STK33: variants seen among roughly 807,000 people sequenced by gnomAD.
STK33 encodes serine/threonine-protein kinase 33.
A neutral mutation model predicts 58.0 loss-of-function variants in STK33; 52 were observed. The ratio of observed to expected loss-of-function variants is 0.90; its 90% CI spans 0.72 to 1.13. The LOEUF (loss-of-function observed/expected upper bound fraction) is 1.13, where lower values mean the gene tolerates loss of function less well. STK33 is among the 50% of genes most tolerant of loss of function. The pLI, the probability that STK33 is intolerant of heterozygous loss-of-function variation, is 0.00. For synonymous variants in STK33, 215 were observed against 200.1 expected (o/e 1.07, Z -0.63); for missense variants, 630 against 604.2 (o/e 1.04, Z -0.45).
intron 1 of STK33, among the ~76,000 whole-genome samples, chr11:8,484,920 G>T (rs893505413): frequency 4.6e-5 from 7 of 152,122 alleles, no homozygotes; most frequent in Non-Finnish European, 8.8e-5. Flanking sequence ...TCACTGACAG[G>T]TTCAAGATTT....
the STK33 span, among the ~76,000 whole-genome samples, chr11:8,358,914 A>C: frequency 6.6e-6 from 1 of 152,342 alleles, no homozygotes; most frequent in South Asian, 2.1e-4. Flanking sequence ...CACCTTCCTC[A>C]CGTGATCAAA....
At chr11:8,455,316 T>A (rs552241763) in intron 9 of STK33, among the ~76,000 whole-genome samples, 1 of 152,196 alleles carries the variant, frequency 6.6e-6, no homozygotes, top group African/African-American at 2.4e-5. Context: ...TTCTACAACA[T>A]CAACACACAT....
At chr11:8,485,236 G>C (rs1286910970) in intron 1 of STK33, among the ~76,000 whole-genome samples, 1 of 152,084 alleles carries the variant, frequency 6.6e-6, no homozygotes, top group Non-Finnish European at 1.5e-5. Context: ...CCATGCAGAA[G>C]AATATAAAGT....
At chr11:8,348,527 C>T in the STK33 span, among the ~76,000 whole-genome samples, 2 of 152,134 alleles carry the variant, frequency 1.3e-5, no homozygotes, top group Non-Finnish European at 2.9e-5. Flanking sequence ...CCATCAGATA[C>T]CTCCCATGAT....
chr11:8,517,978 G>A (rs1272317357), intron 1 of STK33, among the ~76,000 whole-genome samples: 3 of 152,036 alleles, frequency 2.0e-5, no homozygotes, highest in African/African-American at 7.2e-5. Flanking sequence ...TCAAATTCAG[G>A]AAATACAGAG....
chr11:8,578,132 G>A (rs1210327355), intron 1 of STK33, among the ~76,000 whole-genome samples: 1 of 152,054 alleles, frequency 6.6e-6, no homozygotes, highest in East Asian at 1.9e-4. Flanking sequence ...TACAGTGCCT[G>A]ATATGGAGCT....
At chr11:8,354,165 C>T in the STK33 span, among the ~76,000 whole-genome samples, 164 of 152,170 alleles carry the variant, frequency 1.1e-3, no homozygotes, top group Admixed American at 2.7e-3. Context: ...CGTGTCTCCT[C>T]CTCTCCTCCT....
chr11:8,462,787 G>A (rs1032974727), intron 7 of STK33, among the ~76,000 whole-genome samples: 6 of 152,124 alleles, frequency 3.9e-5, no homozygotes, highest in African/African-American at 1.4e-4. Flanking sequence ...CTCTATCTCA[G>A]AAATTCTAGA....
At chr11:8,454,679 T>C in intron 10 of STK33, 65 bp downstream of exon 10, 2 of 1,490,192 alleles carry the variant, frequency 1.3e-6, no homozygotes, top group South Asian at 1.3e-5. Context: ...AAAAAGAGGA[T>C]GTACTTTGCC....
chr11:8,593,489 C>A (rs963536417), intron 1 of STK33, among the ~76,000 whole-genome samples: 1 of 152,174 alleles, frequency 6.6e-6, no homozygotes, highest in African/African-American at 2.4e-5. Flanking sequence ...CTGAAACCCA[C>A]GACCTTGTGA....
chr11:8,524,176 G>C (rs561669572), intron 1 of STK33, among the ~76,000 whole-genome samples: 5 of 152,088 alleles, frequency 3.3e-5, no homozygotes, highest in Admixed American at 6.5e-5. Flanking sequence ...ACACAAACAC[G>C]GCAGAAGGCC....
chr11:8,583,766 A>T (rs1232925334), intron 1 of STK33, among the ~76,000 whole-genome samples: 1 of 152,224 alleles, frequency 6.6e-6, no homozygotes, highest in Admixed American at 6.5e-5. Context: ...AAAATAAAAA[A>T]CACTAGATGT....
the STK33 span, among the ~76,000 whole-genome samples, chr11:8,350,752 C>G: frequency 6.6e-6 from 1 of 152,078 alleles, no homozygotes; most frequent in African/African-American, 2.4e-5. Context: ...CAGGTGTGGG[C>G]TGGTATGTGC....
At chr11:8,426,124 C>A (rs556427585) in intron 14 of STK33, among the ~76,000 whole-genome samples, 1 of 150,110 alleles carries the variant, frequency 6.7e-6, no homozygotes, top group East Asian at 2.0e-4. Flanking sequence ...TGATCACACG[C>A]GGGCTTGGAG....
chr11:8,360,764 C>G, the STK33 span, among the ~76,000 whole-genome samples: 3 of 152,234 alleles, frequency 2.0e-5, no homozygotes, highest in Non-Finnish European at 4.4e-5. Flanking sequence ...CATTCCTTGT[C>G]ATGTGTTCCC....
At chr11:8,356,179 G>T in the STK33 span, among the ~76,000 whole-genome samples, 1 of 152,198 alleles carries the variant, frequency 6.6e-6, no homozygotes, top group Non-Finnish European at 1.5e-5. Flanking sequence ...CTTACAGGAG[G>T]TGTGCAGGAA....
intron 1 of STK33, among the ~76,000 whole-genome samples, chr11:8,507,621 G>A (rs763042903): frequency 6.6e-6 from 1 of 151,982 alleles, no homozygotes; most frequent in Non-Finnish European, 1.5e-5. Context: ...CTAAATAAGG[G>A]GGATGGGGGG....
rs561607309 is a variant in STK33, at chr11:8,523,738, G to A, written c.-465-43124C>T. Among the ~76,000 whole-genome samples the A allele has an allele frequency of 1.1e-4, 17 of 150,766 alleles. 1 individual carries two copies. In the South Asian group the frequency reaches 3.4e-3, roughly 30 times the overall value. The stretch of plus-strand genomic sequence containing the variant: ...CGCCCAGCCACCGCCCCGTCTGGGA[G>A]GTGGGGGGCGCCTCTGCCCGGCCGC... On this transcript the variant is annotated intron_variant, in intron 1 of 15. Coordinates refer to ENST00000687296, the MANE Select transcript of STK33 (RefSeq NM_001352389.2).
At chr11:8,441,625 G>A (rs988506331) in intron 11 of STK33, among the ~76,000 whole-genome samples, 2 of 152,066 alleles carry the variant, frequency 1.3e-5, no homozygotes, top group African/African-American at 4.8e-5. Flanking sequence ...CTGAATAGGT[G>A]GGATTAGTGG....
Sources: gnomAD v4.1 joint callset for allele counts (sites outside exome capture counted in the v4.1 genomes callset) on GRCh38, gnomAD v4.1.1 for gene constraint, MANE v1.5 for transcripts, NCBI Gene and HGNC (gene_info 2026-07-23, HGNC 2026-07-21) for gene names.